The following HS2ST1 variants were observed in gnomAD, a reference collection of about 807,000 sequenced individuals.
HS2ST1 encodes the protein 2-O-sulfotransferase.
In HS2ST1, 18 loss-of-function variants were observed where a neutral mutation model predicts 42.9. The ratio of observed to expected loss-of-function variants is 0.42; its 90% CI spans 0.29 to 0.62. HS2ST1 has a LOEUF of 0.62. Among genes scored for constraint, HS2ST1 ranks in the 20% least tolerant of loss-of-function variants. The pLI is 0.21. For synonymous variants in HS2ST1, 146 were observed against 152.9 expected, an observed-to-expected ratio of 0.95 and a Z score of 0.33; for missense variants, 334 against 433.8, an observed-to-expected ratio of 0.77 and a Z score of 2.04.
At chr1:87,065,509 T>C (rs1219362562) in intron 1 of HS2ST1, among the ~76,000 whole-genome samples, 1 of 152,242 alleles carries the variant, frequency 6.6e-6, no homozygotes, top group Non-Finnish European at 1.5e-5. Context: ...TGTTAGGTTA[T>C]CATCAGGCCT....
chr1:86,992,951 C>A, intron 1 of HS2ST1: 2 of 927,278 alleles, frequency 2.2e-6, no homozygotes, highest in Non-Finnish European at 3.2e-6. Context: ...GGAAACTTAG[C>A]AAGGCCTGTT....
chr1:86,996,448 A>G (rs977936194), intron 1 of HS2ST1, among the ~76,000 whole-genome samples: 19 of 150,438 alleles, frequency 1.3e-4, no homozygotes, highest in African/African-American at 4.4e-4. Flanking sequence ...GTCTCAAAAA[A>G]AAAAAAAAAA....
At chr1:87,094,987 T>C (rs1652028547) in intron 4 of HS2ST1, among the ~76,000 whole-genome samples, 2 of 152,172 alleles carry the variant, frequency 1.3e-5, no homozygotes, top group African/African-American at 4.8e-5. Flanking sequence ...CTAGACAGAA[T>C]GTACCTTTTC....
At chr1:86,961,074 A>G (rs1647829865) in intron 1 of HS2ST1, among the ~76,000 whole-genome samples, 1 of 152,224 alleles carries the variant, frequency 6.6e-6, no homozygotes, top group East Asian at 1.9e-4. Flanking sequence ...AGACGATGCA[A>G]TATTATCTAG....
At chr1:87,050,120 T>A (rs1000026662) in intron 1 of HS2ST1, among the ~76,000 whole-genome samples, 1 of 152,024 alleles carries the variant, frequency 6.6e-6, no homozygotes, top group African/African-American at 2.4e-5. Flanking sequence ...GCTTTTAAGT[T>A]ATTTAATGTT....
chr1:87,018,820 ATCT>A (rs1649839956), intron 1 of HS2ST1, among the ~76,000 whole-genome samples: 13 of 152,148 alleles, frequency 8.5e-5, no homozygotes, highest in Middle Eastern at 3.4e-3. Context: ...TTAGTAGCCA[ATCT>A]CTGGTTATTC....
At chr1:87,083,336 C>A (rs571470508) in intron 2 of HS2ST1, among the ~76,000 whole-genome samples, 1 of 152,120 alleles carries the variant, frequency 6.6e-6, no homozygotes, top group South Asian at 2.1e-4. Context: ...GGTTTCGGTG[C>A]GGTACAGGTT....
At chr1:86,969,883 T>C (rs1170949433) in intron 1 of HS2ST1, among the ~76,000 whole-genome samples, 6 of 152,130 alleles carry the variant, frequency 3.9e-5, no homozygotes, top group Non-Finnish European at 5.9e-5. Context: ...CCCAGCACTT[T>C]GGGAGGCCGA....
chr1:87,028,327 G>A (rs1650140124), intron 1 of HS2ST1, among the ~76,000 whole-genome samples: 1 of 152,170 alleles, frequency 6.6e-6, no homozygotes, highest in Admixed American at 6.5e-5. Context: ...GAAGCCTGCT[G>A]GTCTTCCAAT....
chr1:86,975,304 A>G (rs1247208651), intron 1 of HS2ST1, among the ~76,000 whole-genome samples: 1 of 146,284 alleles, frequency 6.8e-6, no homozygotes, highest in African/African-American at 2.5e-5. Flanking sequence ...AGCTTTTCCT[A>G]TTTTGGTGGT....
intron 1 of HS2ST1, among the ~76,000 whole-genome samples, chr1:86,999,202 G>A (rs1200914622): frequency 6.6e-6 from 1 of 151,724 alleles, no homozygotes; most frequent in African/African-American, 2.4e-5. Context: ...TTTTGAGATG[G>A]AGTTTCACTG....
Position 86,948,838 on chromosome 1 carries a change from C to T in HS2ST1, c.124+33678C>T, listed in dbSNP as rs140291272. ...AGTGGCCCTTGTTTTTCTAAATGTA[C>T]TTTGTTCAAGAGAGCTCTGCTATAA... On this transcript the variant is annotated intron_variant, in intron 1 of 6. Coordinates refer to ENST00000370550, the MANE Select transcript of HS2ST1 (RefSeq NM_012262.4). Among the ~76,000 whole-genome samples the T allele has an allele frequency of 7.2e-3, 1,100 of 152,092 alleles. 13 individuals carry two copies. The highest frequency in any genetic ancestry group is 0.025 in the African/African-American group (1,049 of 41,500).
intron 1 of HS2ST1, among the ~76,000 whole-genome samples, chr1:87,060,047 ATAT>A (rs1406875226): frequency 6.6e-6 from 1 of 152,228 alleles, no homozygotes. Context: ...GATACCTAGA[ATAT>A]TATACAATTA....
intron 1 of HS2ST1, 113 bp downstream of exon 1, chr1:86,915,273 G>C: frequency 1.6e-6 from 2 of 1,245,608 alleles, no homozygotes; most frequent in Middle Eastern, 4.3e-4. Context: ...GGCTGAAAGC[G>C]GTTTCAAAGA....
intron 1 of HS2ST1, among the ~76,000 whole-genome samples, chr1:86,952,699 A>T (rs763585935): frequency 5.9e-5 from 9 of 152,198 alleles, no homozygotes; most frequent in Non-Finnish European, 8.8e-5. Flanking sequence ...TTTGAGAGGA[A>T]TCTTTTTTCC....
At chr1:86,983,009 A>G (rs971008647) in intron 1 of HS2ST1, among the ~76,000 whole-genome samples, 10 of 152,180 alleles carry the variant, frequency 6.6e-5, no homozygotes, top group Non-Finnish European at 1.3e-4. Flanking sequence ...AGACCACCTC[A>G]GCCTGGACCC....
At position 86,921,513 on chromosome 1, in the gene HS2ST1, C is replaced by T. The variant is rs367907912; in HGVS notation, c.124+6353C>T. ...AATCTCCGATGCAACAGTATTGGGG[C>T]GGGAGGTGGAGGGTGTTTAGGTGAT... On this transcript the variant is annotated intron_variant, in intron 1 of 6. Transcript: ENST00000370550. 1.2e-4 allele frequency among the ~76,000 whole-genome samples: 18 copies of T among 152,118 alleles called. No individual in the cohort carries two copies. The East Asian group carries it at 2.1e-3, about 18-fold the overall frequency.
At chr1:87,012,316 G>A (rs183045255) in intron 1 of HS2ST1, among the ~76,000 whole-genome samples, 66 of 152,220 alleles carry the variant, frequency 4.3e-4, no homozygotes, top group African/African-American at 1.5e-3. Flanking sequence ...GGGGAGGCCT[G>A]ACAATTATGG....
chr1:87,101,197 ACT>A (rs1450821278), intron 5 of HS2ST1, among the ~76,000 whole-genome samples: 1 of 98,956 alleles, frequency 1.0e-5, no homozygotes, highest in Non-Finnish European at 1.9e-5. Context: ...AGGCAGTCTC[ACT>A]CTGTCAGCCA....
Sources: allele counts gnomAD v4.1 joint callset (sites outside exome capture counted in the v4.1 genomes callset), GRCh38; gene constraint gnomAD v4.1.1; transcripts MANE v1.5; gene names NCBI Gene and HGNC (gene_info 2026-07-23, HGNC 2026-07-21).